Variants in SWAP70 observed in about 807,000 individuals in gnomAD.
SWAP70 encodes the protein switching B cell complex subunit SWAP70.
SWAP70 carries 34 observed loss-of-function variants against 80.2 expected under a neutral mutation model. That is an observed-to-expected ratio of 0.42 (90% CI 0.32 to 0.56). The LOEUF (loss-of-function observed/expected upper bound fraction) is 0.56, where lower values mean the gene tolerates loss of function less well. SWAP70 is among the 20% of genes least tolerant of loss of function. The pLI, the probability that SWAP70 is intolerant of heterozygous loss-of-function variation, is 0.09. For synonymous variants in SWAP70, 239 were observed against 238.5 expected, an observed-to-expected ratio of 1.00 and a Z score of -0.02; for missense variants, 578 against 690.7, an observed-to-expected ratio of 0.84 and a Z score of 1.83.
intron 7 of SWAP70, among the ~76,000 whole-genome samples, chr11:9,737,149 A>C (rs1485467969): frequency 6.6e-6 from 1 of 152,258 alleles, no homozygotes; most frequent in East Asian, 1.9e-4. Flanking sequence ...TGCCTGGAAT[A>C]AAGTTTCTGC....
At chr11:9,720,054 G>GA in intron 3 of SWAP70, 1 of 985,262 alleles carries the variant, frequency 1.0e-6, no homozygotes, top group Non-Finnish European at 1.2e-6. Flanking sequence ...TCCTGAAACT[G>GA]AATGAGCTCT....
chr11:9,743,683 C>T (rs1252272840), intron 9 of SWAP70, among the ~76,000 whole-genome samples: 1 of 151,716 alleles, frequency 6.6e-6, no homozygotes, highest in Non-Finnish European at 1.5e-5. Flanking sequence ...TGTTTTTTGG[C>T]TGCATAAATG....
intron 2 of SWAP70, among the ~76,000 whole-genome samples, chr11:9,704,023 C>A (rs188910732): frequency 1.4e-3 from 213 of 152,196 alleles, no homozygotes; most frequent in Non-Finnish European, 2.7e-3. Flanking sequence ...AGATATAATT[C>A]ACATAACATA....
chr11:9,731,854 C>A (rs938211076), intron 6 of SWAP70, among the ~76,000 whole-genome samples: 9 of 152,042 alleles, frequency 5.9e-5, no homozygotes, highest in Non-Finnish European at 1.3e-4. Context: ...GGGAGACTTT[C>A]CTGTGTGTCT....
chr11:9,747,981 A>C lies in SWAP70; in HGVS notation c.1479A>C (p.Glu493Asp). The C allele has an allele frequency of 6.2e-7, 1 of 1,614,184 alleles. No individual in the cohort carries two copies. Among genetic ancestry groups the C allele is most frequent in the Non-Finnish European group, 8.5e-7 (1 of 1,180,022 alleles). Residue 493 changes from glutamate (E) to aspartate (D), a missense_variant, in exon 10 of 12, where the codon GAA becomes GAC. Glu to Asp is a conservative substitution (Grantham distance 45, BLOSUM62 2). Coordinates refer to ENST00000318950, the MANE Select transcript of SWAP70 (RefSeq NM_015055.4). ...QELENQRVLK[E>D]QALQEAMEQL... Reference sequence around the variant, plus strand: ...TGGAGAATCAGCGTGTCCTGAAGGAACAGGCCCTGCAGGAGGCCATGGAGC... The same window carrying C: ...TGGAGAATCAGCGTGTCCTGAAGGACCAGGCCCTGCAGGAGGCCATGGAGC...
intron 1 of SWAP70, among the ~76,000 whole-genome samples, chr11:9,671,739 C>A (rs181245375): frequency 0.37 from 15,234 of 40,826 alleles, 1,280 homozygotes; most frequent in Middle Eastern, 0.55. Flanking sequence ...TCTATGTATA[C>A]ATAGAAATAT....
intron 1 of SWAP70, among the ~76,000 whole-genome samples, chr11:9,673,926 A>G (rs1289259449): frequency 6.6e-6 from 1 of 151,932 alleles, no homozygotes; most frequent in Non-Finnish European, 1.5e-5. Flanking sequence ...TTGAGATGGA[A>G]TCCCGCTCTG....
At chr11:9,705,201 T>G (rs1480892299) in intron 2 of SWAP70, among the ~76,000 whole-genome samples, 1 of 140,732 alleles carries the variant, frequency 7.1e-6, no homozygotes, top group Non-Finnish European at 1.5e-5. Flanking sequence ...ACTGGTGATC[T>G]GTATACACTG....
intron 1 of SWAP70, among the ~76,000 whole-genome samples, chr11:9,693,358 C>T (rs903880667): frequency 6.6e-6 from 1 of 152,152 alleles, no homozygotes; most frequent in African/African-American, 2.4e-5. Flanking sequence ...TGTACCTGGA[C>T]TTTGAAGTGT....
intron 1 of SWAP70, among the ~76,000 whole-genome samples, chr11:9,685,867 C>T (rs774282124): frequency 2.6e-5 from 4 of 152,038 alleles, no homozygotes; most frequent in Admixed American, 6.6e-5. Flanking sequence ...CTCCTGATCT[C>T]GTGATCTACC....
intron 2 of SWAP70, among the ~76,000 whole-genome samples, chr11:9,701,297 G>A (rs1033294771): frequency 6.6e-6 from 1 of 151,390 alleles, no homozygotes; most frequent in Non-Finnish European, 1.5e-5. Context: ...TCAGCCTCCC[G>A]AGTAGCTGGG....
Position 9,694,277 on chromosome 11 carries a change from T to A in SWAP70, c.231T>A (p.Ile77=). Residue 77 remains isoleucine (I), a synonymous_variant, in exon 2 of 12, where the codon ATT becomes ATA. Transcript: ENST00000318950. ...QGYMPYLNRF[I]LEKVQDNFDK... ...ACATGCCTTATTTAAACAGGTTCAT[T>A]TTGGAAAAGGTATGATTCTAACCTT... 1 of 1,610,948 alleles carries A rather than the reference T, an allele frequency of 6.2e-7. No homozygotes were observed. The highest frequency in any genetic ancestry group is 8.5e-7 in the Non-Finnish European group (1 of 1,178,780).
At chr11:9,700,189 T>C (rs1488630714) in intron 2 of SWAP70, among the ~76,000 whole-genome samples, 1 of 152,136 alleles carries the variant, frequency 6.6e-6, no homozygotes, top group Non-Finnish European at 1.5e-5. Context: ...GGAAATATAG[T>C]AGTGTTTTAA....
At chr11:9,726,802 T>A (rs914277531) in intron 4 of SWAP70, 2 of 450,726 alleles carry the variant, frequency 4.4e-6, no homozygotes, top group Non-Finnish European at 9.0e-6. Flanking sequence ...GTCACACACC[T>A]TTGAGGCCAG....
rs370198173 is a variant in SWAP70 at position 9,729,489 on chromosome 11, GA to G, written c.898+41del. 165 of 1,450,948 alleles carry G rather than the reference GA, an allele frequency of 1.1e-4. No homozygotes were observed. The Middle Eastern group carries it at 5.5e-3, about 49-fold the overall frequency. The allele number at this position is 1,450,948 out of a possible 1,614,324, so 89.9% of individuals were successfully genotyped here. ...TTTATTATTTGCCATGATATAACTT[GA>G]AAGCTCTGACTTTCTTTTTTTTTTC... On this transcript the variant is annotated intron_variant, in intron 6 of 11. Transcript: ENST00000318950.
rs149959915 is a variant in SWAP70, at chr11:9,683,406, A to G, written c.100-10740A>G. ...ACTCCAGCCTGAGTAACAGAGCAAG[A>G]CCCTGTCTCAAAAAAAAAGAAGAAA... On this transcript the variant is annotated intron_variant, in intron 1 of 11. Coordinates refer to ENST00000318950, the MANE Select transcript of SWAP70 (RefSeq NM_015055.4). 4.9e-3 allele frequency among the ~76,000 whole-genome samples: 747 copies of G among 151,788 alleles called. 2 individuals are homozygous for G. Among genetic ancestry groups the G allele is most frequent in the South Asian group, 0.014 (67 of 4,806 alleles).
intron 1 of SWAP70, among the ~76,000 whole-genome samples, chr11:9,665,364 C>G (rs1850295819): frequency 6.6e-6 from 1 of 152,150 alleles, no homozygotes; most frequent in African/African-American, 2.4e-5. Flanking sequence ...TGGAAGGGTC[C>G]ATGGAGATCA....
At chr11:9,713,772 C>G in intron 3 of SWAP70, 133 bp downstream of exon 3, 1 of 1,038,466 alleles carries the variant, frequency 9.6e-7, no homozygotes. Context: ...AGAGGCAAAG[C>G]AGCCTGAGTA....
At chr11:9,707,923 G>T (rs1224838321) in intron 2 of SWAP70, among the ~76,000 whole-genome samples, 1 of 152,058 alleles carries the variant, frequency 6.6e-6, no homozygotes, top group Admixed American at 6.6e-5. Context: ...GGAACAGGTG[G>T]TTTTTTTGTT....
Sources: gnomAD v4.1 joint callset for allele counts (sites outside exome capture counted in the v4.1 genomes callset) on GRCh38, gnomAD v4.1.1 for gene constraint, MANE v1.5 for transcripts, NCBI Gene and HGNC (gene_info 2026-07-23, HGNC 2026-07-21) for gene names.